Variants in DCAF6 observed in about 807,000 individuals in gnomAD.
DCAF6 encodes DDB1 and CUL4 associated factor 6.
DCAF6 carries 54 observed loss-of-function variants against 125.1 expected under a neutral mutation model. The observed-to-expected ratio is 0.43, with a 90% confidence interval of 0.35 to 0.54. DCAF6 has a LOEUF of 0.54. Among genes scored for constraint, DCAF6 ranks in the 20% least tolerant of loss-of-function variants. DCAF6 has a pLI of 0.01. For synonymous variants in DCAF6, 371 were observed against 390.4 expected (o/e 0.95, Z 0.58); for missense variants, 934 against 1,161.7 (o/e 0.80, Z 2.85).
Position 167,945,578 on chromosome 1 carries a change from G to A in DCAF6, c.98-6222G>A, listed in dbSNP as rs1051558383. 2.6e-5 allele frequency among the ~76,000 whole-genome samples: 4 copies of A among 152,076 alleles called. No homozygotes were observed. In the South Asian group the frequency reaches 6.2e-4, roughly 24 times the overall value. On this transcript the variant is annotated intron_variant, in intron 1 of 21. Coordinates refer to ENST00000367840, the MANE Select transcript of DCAF6 (RefSeq NM_001198956.2). ...ACAATCTCGGCTTACTACAACCTCC[G>A]GCTCCCAGGTTCAAGCACTTCTCCT...
intron 2 of DCAF6, 91 bp downstream of exon 2, chr1:167,951,952 G>T (rs73024140): frequency 0.089 from 67,097 of 756,102 alleles, 3,552 homozygotes; most frequent in African/African-American, 0.13. Flanking sequence ...AGAAAGGATT[G>T]TGACTATAAT....
the DCAF6 span, among the ~76,000 whole-genome samples, chr1:167,882,360 C>A: frequency 6.6e-6 from 1 of 151,868 alleles, no homozygotes; most frequent in African/African-American, 2.4e-5. Context: ...TGGCGCATGC[C>A]TGTAATCCCA....
At chr1:167,881,962 G>A in the DCAF6 span, among the ~76,000 whole-genome samples, 1 of 152,190 alleles carries the variant, frequency 6.6e-6, no homozygotes, top group Non-Finnish European at 1.5e-5. Context: ...CATGCTTCCT[G>A]CCTGGTTGTG....
chr1:167,894,611 GA>G, the DCAF6 span, among the ~76,000 whole-genome samples: 1 of 150,762 alleles, frequency 6.6e-6, no homozygotes, highest in African/African-American at 2.5e-5. Flanking sequence ...ATGATAATGT[GA>G]AAAAAAATGT....
chr1:168,026,549 A>C (rs1686364323), intron 12 of DCAF6, among the ~76,000 whole-genome samples: 1 of 152,128 alleles, frequency 6.6e-6, no homozygotes, highest in South Asian at 2.1e-4. Context: ...AGATTTTAAA[A>C]ATAGTTGAAA....
chr1:167,904,478 A>G, the DCAF6 span: 1 of 213,254 alleles, frequency 4.7e-6, no homozygotes, highest in Non-Finnish European at 9.3e-6. Flanking sequence ...CTATTATTTT[A>G]GGGGTCAGGA....
intron 2 of DCAF6, among the ~76,000 whole-genome samples, chr1:167,966,275 A>G (rs1676407601): frequency 6.6e-6 from 1 of 152,234 alleles, no homozygotes; most frequent in South Asian, 2.1e-4. Context: ...TACATCAACT[A>G]TTAAATCAAG....
chr1:168,054,819 G>GTTT (rs370002372), intron 17 of DCAF6, among the ~76,000 whole-genome samples: 4 of 141,050 alleles, frequency 2.8e-5, no homozygotes, highest in Non-Finnish European at 6.2e-5. Context: ...TACGGGTTTG[G>GTTT]TTTTTTTTTT....
chr1:167,960,448 G>A (rs1036339111), intron 2 of DCAF6, among the ~76,000 whole-genome samples: 35 of 152,076 alleles, frequency 2.3e-4, no homozygotes, highest in African/African-American at 6.5e-4. Context: ...ACAGGCACGC[G>A]CCACCATTCC....
At position 167,936,691 on chromosome 1, in the gene DCAF6, T is replaced by C. The variant is rs1162333041; in HGVS notation, c.-221T>C. ...GACTGTTGCTGATCTTTGGATGTTCTGGTTAGTCTAAGAAGGAGAGTATGA... is the reference window on the plus strand; with the variant it reads ...GACTGTTGCTGATCTTTGGATGTTCCGGTTAGTCTAAGAAGGAGAGTATGA... On this transcript the variant is annotated 5_prime_UTR_variant, in exon 1 of 22. Coordinates refer to ENST00000367840, the MANE Select transcript of DCAF6 (RefSeq NM_001198956.2). The C allele has an allele frequency of 1.9e-6, 1 of 517,602 alleles. No individual in the cohort carries two copies. Among genetic ancestry groups the C allele is most frequent in the Non-Finnish European group, 3.4e-6 (1 of 291,382 alleles). 32.1% of individuals were successfully genotyped at this position (517,602 alleles called of 1,614,324 possible).
rs1465478033 is a variant in DCAF6 at position 168,017,781 on chromosome 1, C to T, written c.1549+1830C>T. Among the ~76,000 whole-genome samples, 2 of 151,906 alleles carry T rather than the reference C, an allele frequency of 1.3e-5. 1 individual carries two copies. Among genetic ancestry groups the T allele is most frequent in the Non-Finnish European group, 2.9e-5 (2 of 67,940 alleles). The stretch of plus-strand genomic sequence containing the variant: ...TACTATCTACCCATACAGAAAGCAC[C>T]AAAATTAGCCTCCTAGATTTTAATT... On this transcript the variant is annotated intron_variant, in intron 11 of 21. Transcript: ENST00000367840.
At chr1:167,878,564 C>T in the DCAF6 span, 4 of 1,614,146 alleles carry the variant, frequency 2.5e-6, no homozygotes, top group Non-Finnish European at 3.4e-6. Context: ...TTGTAGGTGA[C>T]AGAGTCGCAG....
In DCAF6 at chr1:168,049,856, C is replaced by T. The variant is rs190147062; in HGVS notation, c.2259-1036C>T. On this transcript the variant is annotated intron_variant, in intron 16 of 21. Coordinates refer to ENST00000367840, the MANE Select transcript of DCAF6 (RefSeq NM_001198956.2). ...ATTTTTAGTAGATACGGGGTTTCACCGTGTTAGCCAGGATGATCTCGATCT... is the reference window on the plus strand; with the variant it reads ...ATTTTTAGTAGATACGGGGTTTCACTGTGTTAGCCAGGATGATCTCGATCT... Among the ~76,000 whole-genome samples the T allele has an allele frequency of 4.6e-3, 699 of 150,878 alleles. 8 individuals are homozygous for T. In the East Asian group the frequency reaches 0.057, roughly 12 times the overall value.
intron 21 of DCAF6, among the ~76,000 whole-genome samples, chr1:168,073,987 A>C (rs1693482796): frequency 1.3e-5 from 2 of 148,566 alleles, no homozygotes; most frequent in East Asian, 2.0e-4. Flanking sequence ...TTATAAAATA[A>C]ATGAACAAAA....
chr1:168,000,146 A>G (rs1010341544), intron 7 of DCAF6, among the ~76,000 whole-genome samples: 7 of 152,080 alleles, frequency 4.6e-5, no homozygotes, highest in African/African-American at 1.4e-4. Flanking sequence ...AGGGAGAGAG[A>G]TGGGGAAACA....
At chr1:167,905,018 T>C in the DCAF6 span, 4 of 1,614,198 alleles carry the variant, frequency 2.5e-6, no homozygotes, top group South Asian at 4.4e-5. Context: ...ACATCAGGAC[T>C]CCGTCAAAAT....
chr1:168,049,425 GTTGTTGTT>G (rs1362263431), intron 16 of DCAF6, among the ~76,000 whole-genome samples: 5 of 85,798 alleles, frequency 5.8e-5, no homozygotes, highest in African/African-American at 2.4e-4. Context: ...TGTTGTTGTT[GTTGTTGTT>G]TTTTTTTTTT....
At chr1:167,985,184 CGTGTGTGTGTGT>C (rs33966059) in intron 4 of DCAF6, among the ~76,000 whole-genome samples, 4 of 146,944 alleles carry the variant, frequency 2.7e-5, no homozygotes, top group South Asian at 2.2e-4. Context: ...CAAACCACGT[CGTGTGTGTGTGT>C]GTGTGTGTGT....
chr1:167,991,418 T>G, intron 6 of DCAF6, 79 bp downstream of exon 6: 1 of 1,361,778 alleles, frequency 7.3e-7, no homozygotes, highest in Non-Finnish European at 9.7e-7. Flanking sequence ...GTTTTAAAAT[T>G]TCTTGTTTGT....
Sources: gnomAD v4.1 joint callset for allele counts (sites outside exome capture counted in the v4.1 genomes callset) on GRCh38, gnomAD v4.1.1 for gene constraint, MANE v1.5 for transcripts, NCBI Gene and HGNC (gene_info 2026-07-23, HGNC 2026-07-21) for gene names.